The following GALNT17 variants were observed in gnomAD, a reference collection of about 807,000 sequenced individuals.
GALNT17 encodes the protein polypeptide N-acetylgalactosaminyltransferase 17, also known as UDP-GalNAc:polypeptide N-acetylgalactosaminyltransferase-like 3.
GALNT17 carries 29 observed loss-of-function variants against 63.7 expected under a neutral mutation model. The ratio of observed to expected loss-of-function variants is 0.46; its 90% CI spans 0.34 to 0.62. The LOEUF (loss-of-function observed/expected upper bound fraction) is 0.62. Among genes scored for constraint, GALNT17 ranks in the 20% least tolerant of loss-of-function variants. The probability of loss-of-function intolerance (pLI) is 0.01; values close to 1 mark genes in which losing one functional copy is unlikely to be tolerated. For synonymous variants in GALNT17, 305 were observed against 318.3 expected, an observed-to-expected ratio of 0.96 and a Z score of 0.45; for missense variants, 603 against 799.6, an observed-to-expected ratio of 0.75 and a Z score of 2.97.
At chr7:71,383,789 A>T (rs1349559978) in intron 2 of GALNT17, among the ~76,000 whole-genome samples, 5 of 152,172 alleles carry the variant, frequency 3.3e-5, no homozygotes, top group Non-Finnish European at 5.9e-5. Context: ...TTGGTTGAAT[A>T]TGAAAATACA....
intron 5 of GALNT17, among the ~76,000 whole-genome samples, chr7:71,450,694 C>A (rs1004682802): frequency 4.6e-5 from 7 of 152,080 alleles, no homozygotes; most frequent in African/African-American, 1.7e-4. Context: ...CCCCAGGCAA[C>A]CACAAATCTA....
chr7:71,148,861 TATA>T (rs1788078121), intron 1 of GALNT17, among the ~76,000 whole-genome samples: 1 of 39,912 alleles, frequency 2.5e-5, no homozygotes, highest in African/African-American at 1.2e-4. Context: ...ATGGTATTTT[TATA>T]TATATATATA....
At chr7:71,544,662 C>G (rs1172069433) in intron 5 of GALNT17, among the ~76,000 whole-genome samples, 1 of 152,076 alleles carries the variant, frequency 6.6e-6, no homozygotes, top group Non-Finnish European at 1.5e-5. Context: ...TGACTTCACA[C>G]TTCAAAAAAT....
At chr7:71,574,436 C>T (rs1789501788) in intron 6 of GALNT17, among the ~76,000 whole-genome samples, 1 of 152,170 alleles carries the variant, frequency 6.6e-6, no homozygotes, top group African/African-American at 2.4e-5. Flanking sequence ...AATTACCTGC[C>T]TCTTACAGTA....
At chr7:71,698,508 C>T (rs1284696538) in intron 9 of GALNT17, among the ~76,000 whole-genome samples, 1 of 151,998 alleles carries the variant, frequency 6.6e-6, no homozygotes, top group Non-Finnish European at 1.5e-5. Flanking sequence ...TGAGGGGAAG[C>T]AGATGTTAAG....
chr7:71,367,531 C>G (rs908676481), intron 2 of GALNT17, among the ~76,000 whole-genome samples: 23 of 152,124 alleles, frequency 1.5e-4, no homozygotes, highest in African/African-American at 5.3e-4. Context: ...TGTCCCTAAT[C>G]TATGTGGTTG....
chr7:71,203,261 C>T (rs990181759), intron 1 of GALNT17, among the ~76,000 whole-genome samples: 5 of 152,148 alleles, frequency 3.3e-5, no homozygotes, highest in Non-Finnish European at 5.9e-5. Context: ...TTTCCATTTC[C>T]ACCAACAGCA....
intron 1 of GALNT17, among the ~76,000 whole-genome samples, chr7:71,162,140 C>CCTTCCTTCCTTCCTTCCTTCCTTT (rs1259897721): frequency 7.5e-6 from 1 of 132,614 alleles, no homozygotes; most frequent in African/African-American, 2.8e-5. Context: ...TTCCTTCCTT[C>CCTTCCTTCCTTCCTTCCTTCCTTT]CTTCCTTCCT....
chr7:71,213,518 C>T (rs1789420625), intron 1 of GALNT17, among the ~76,000 whole-genome samples: 1 of 152,280 alleles, frequency 6.6e-6, no homozygotes, highest in Admixed American at 6.5e-5. Context: ...TTTATGTTAA[C>T]TATATATCCA....
At chr7:71,184,426 C>G (rs1788793831) in intron 1 of GALNT17, among the ~76,000 whole-genome samples, 1 of 152,158 alleles carries the variant, frequency 6.6e-6, no homozygotes, top group Non-Finnish European at 1.5e-5. Flanking sequence ...CTCTCCTGAC[C>G]TTTCTAGAAA....
intron 6 of GALNT17, among the ~76,000 whole-genome samples, chr7:71,646,602 A>G (rs796362759): frequency 1.2e-4 from 19 of 152,324 alleles, no homozygotes; most frequent in African/African-American, 4.3e-4. Context: ...GAGGAATCAC[A>G]TGGGTCAGAC....
rs149870800 is a variant in GALNT17 at position 71,432,542 on chromosome 7, G to A, written c.962+11437G>A. ...GATTGTCTCCCAGAAGCTGATCCAGGGCCAGTTCTTTCTCTGGATTGTGCG... is the reference window on the plus strand; with the variant it reads ...GATTGTCTCCCAGAAGCTGATCCAGAGCCAGTTCTTTCTCTGGATTGTGCG... On this transcript the variant is annotated intron_variant, in intron 5 of 10. Coordinates refer to ENST00000333538, the MANE Select transcript of GALNT17 (RefSeq NM_022479.3). Among the ~76,000 whole-genome samples the A allele has an allele frequency of 1.5e-3, 231 of 152,232 alleles. 1 individual carries two copies. Among genetic ancestry groups the A allele is most frequent in the African/African-American group, 5.3e-3 (219 of 41,522 alleles).
intron 1 of GALNT17, among the ~76,000 whole-genome samples, chr7:71,290,378 A>T (rs1790958389): frequency 6.6e-6 from 1 of 152,110 alleles, no homozygotes; most frequent in African/African-American, 2.4e-5. Context: ...TCATCTAGGG[A>T]GCTGCTCTGG....
At chr7:71,492,509 C>T (rs1032482936) in intron 5 of GALNT17, among the ~76,000 whole-genome samples, 1 of 152,142 alleles carries the variant, frequency 6.6e-6, no homozygotes, top group East Asian at 1.9e-4. Context: ...CTGTCACTCT[C>T]ATGGTCTTGC....
intron 1 of GALNT17, among the ~76,000 whole-genome samples, chr7:71,191,962 C>A (rs1368543316): frequency 6.6e-6 from 1 of 152,112 alleles, no homozygotes; most frequent in Non-Finnish European, 1.5e-5. Context: ...AGCAAGGAAG[C>A]CAGTATTGGC....
At chr7:71,575,329 T>C (rs1789517831) in intron 6 of GALNT17, among the ~76,000 whole-genome samples, 1 of 152,150 alleles carries the variant, frequency 6.6e-6, no homozygotes, top group Non-Finnish European at 1.5e-5. Flanking sequence ...CTGTAAGTAA[T>C]GACCCAAAAC....
intron 2 of GALNT17, among the ~76,000 whole-genome samples, chr7:71,345,633 A>C (rs919433543): frequency 2.0e-5 from 3 of 151,750 alleles, no homozygotes; most frequent in African/African-American, 7.3e-5. Context: ...GAATCATCCA[A>C]CTCCAGTGGG....
intron 5 of GALNT17, among the ~76,000 whole-genome samples, chr7:71,445,641 A>G (rs4484574): frequency 0.95 from 145,316 of 152,300 alleles, 69,330 homozygotes; most frequent in Admixed American, 0.96. Context: ...AAGGTAGGAG[A>G]CTGTAAAATA....
intron 6 of GALNT17, among the ~76,000 whole-genome samples, chr7:71,659,114 C>T (rs1790869594): frequency 6.6e-6 from 1 of 152,168 alleles, no homozygotes. Flanking sequence ...TTAACATGAC[C>T]TCCAGGTAAT....
Sources: allele counts gnomAD v4.1 joint callset (sites outside exome capture counted in the v4.1 genomes callset), GRCh38; gene constraint gnomAD v4.1.1; transcripts MANE v1.5; gene names NCBI Gene and HGNC (gene_info 2026-07-23, HGNC 2026-07-21).